AGMO: variants seen among roughly 807,000 people sequenced by gnomAD.
AGMO encodes the protein glyceryl-ether monooxygenase.
In AGMO, 75 loss-of-function variants were observed where a neutral mutation model predicts 60.2. The ratio of observed to expected loss-of-function variants is 1.25; its 90% CI spans 1.03 to 1.51. The LOEUF is 1.51. Among genes scored for constraint, AGMO ranks in the 40% most tolerant of loss-of-function variants. AGMO has a pLI of 0.00. For synonymous variants in AGMO, 261 were observed against 177.1 expected, an observed-to-expected ratio of 1.47 and a Z score of -3.76; for missense variants, 763 against 525.5, an observed-to-expected ratio of 1.45 and a Z score of -4.42.
intron 3 of AGMO, among the ~76,000 whole-genome samples, chr7:15,499,566 AC>A (rs964182348): frequency 5.3e-4 from 80 of 151,398 alleles, no homozygotes; most frequent in African/African-American, 1.9e-3. Context: ...AAATGGATCA[AC>A]CCCACTGTAA....
chr7:15,371,330 C>T (rs1253383953), intron 10 of AGMO, among the ~76,000 whole-genome samples: 5 of 117,330 alleles, frequency 4.3e-5, no homozygotes, highest in Non-Finnish European at 1.8e-5. Context: ...AGCTATTCTC[C>T]TGCCTCAGCC....
the AGMO span, among the ~76,000 whole-genome samples, chr7:15,135,979 C>CTTTTTTTTTTTT: frequency 5.2e-4 from 56 of 106,796 alleles, no homozygotes; most frequent in East Asian, 8.7e-4. Flanking sequence ...TTTTTCTTTT[C>CTTTTTTTTTTTT]TTTTTTTTTT....
chr7:15,343,119 A>C (rs1256203174), intron 12 of AGMO, among the ~76,000 whole-genome samples: 1 of 152,280 alleles, frequency 6.6e-6, no homozygotes, highest in East Asian at 1.9e-4. Context: ...TCTAAAATTT[A>C]TATGATATTC....
intron 12 of AGMO, among the ~76,000 whole-genome samples, chr7:15,207,827 G>A (rs568403023): frequency 1.3e-5 from 2 of 152,276 alleles, no homozygotes; most frequent in African/African-American, 4.8e-5. Flanking sequence ...CCAGCTACTC[G>A]GGAAGCTGAG....
chr7:15,547,383 T>G (rs1784810727), intron 2 of AGMO, among the ~76,000 whole-genome samples: 1 of 152,006 alleles, frequency 6.6e-6, no homozygotes, highest in Non-Finnish European at 1.5e-5. Context: ...GACGGGTGAT[T>G]TCTGCATTTC....
Position 15,560,279 on chromosome 7 carries a change from G to C in AGMO, c.127-8C>G. The C allele has an allele frequency of 6.2e-7, 1 of 1,610,264 alleles. No individual in the cohort carries two copies. The highest frequency in any genetic ancestry group is 8.5e-7 in the Non-Finnish European group (1 of 1,177,562). On this transcript the variant is annotated splice_region_variant and splice_polypyrimidine_tract_variant and intron_variant, in intron 1 of 12. Transcript: ENST00000342526. Reference sequence around the variant, plus strand: ...AATGAAAAATGGAGTTGCCTGGAAAGGAAGTTGCAGAAAAGAGATGCTATT... The same window carrying C: ...AATGAAAAATGGAGTTGCCTGGAAACGAAGTTGCAGAAAAGAGATGCTATT...
intron 3 of AGMO, among the ~76,000 whole-genome samples, chr7:15,495,337 TC>T (rs1412373352): frequency 2.0e-5 from 3 of 152,148 alleles, no homozygotes; most frequent in Admixed American, 6.5e-5. Context: ...AACTACCCTT[TC>T]CTTTTTATGT....
At chr7:15,271,048 C>T (rs1442301218) in intron 12 of AGMO, among the ~76,000 whole-genome samples, 1 of 151,988 alleles carries the variant, frequency 6.6e-6, no homozygotes. Flanking sequence ...CAGTACCATG[C>T]TGTTGATGTT....
At chr7:15,485,553 C>T (rs1342457842) in intron 3 of AGMO, among the ~76,000 whole-genome samples, 1 of 152,068 alleles carries the variant, frequency 6.6e-6, no homozygotes, top group Non-Finnish European at 1.5e-5. Flanking sequence ...TCAGGGAACC[C>T]TGTTCAATGT....
At chr7:15,160,578 T>A in the AGMO span, among the ~76,000 whole-genome samples, 1 of 152,044 alleles carries the variant, frequency 6.6e-6, no homozygotes, top group South Asian at 2.1e-4. Flanking sequence ...GTAACAAAAC[T>A]TAAAAGGATA....
At chr7:15,530,699 T>TATATATTCTATATATACATTTCTATATAG (rs1784288901) in intron 3 of AGMO, among the ~76,000 whole-genome samples, 1 of 115,952 alleles carries the variant, frequency 8.6e-6, no homozygotes, top group Non-Finnish European at 1.9e-5. Context: ...TATTTCTACA[T>TATATATTCTATATATACATTTCTATATAG]ATATTCTATA....
chr7:15,462,887 T>TTTTA (rs1167921249), intron 3 of AGMO, among the ~76,000 whole-genome samples: 6 of 152,220 alleles, frequency 3.9e-5, no homozygotes, highest in African/African-American at 1.4e-4. Flanking sequence ...TAAAACTCAA[T>TTTTA]GAGTCAAATT....
chr7:15,259,045 T>A (rs1216694207), intron 12 of AGMO, among the ~76,000 whole-genome samples: 1 of 151,834 alleles, frequency 6.6e-6, no homozygotes, highest in Non-Finnish European at 1.5e-5. Context: ...CAGAAATGAA[T>A]CCAAATTAAG....
intron 4 of AGMO, among the ~76,000 whole-genome samples, chr7:15,419,527 T>C (rs28666544): frequency 2.3e-3 from 355 of 152,184 alleles, no homozygotes; most frequent in African/African-American, 7.9e-3. Flanking sequence ...AGTATTATAA[T>C]TTTATTTTAA....
At chr7:15,230,768 C>T (rs553751427) in intron 12 of AGMO, among the ~76,000 whole-genome samples, 1 of 152,208 alleles carries the variant, frequency 6.6e-6, no homozygotes, top group South Asian at 2.1e-4. Flanking sequence ...TCGCTCTTCC[C>T]CTTTGCTCTC....
At chr7:15,431,698 C>T (rs1332661667) in intron 3 of AGMO, among the ~76,000 whole-genome samples, 2 of 151,786 alleles carry the variant, frequency 1.3e-5, no homozygotes, top group South Asian at 2.1e-4. Flanking sequence ...TAACAGTTAC[C>T]TATGGTTTTC....
At chr7:15,119,590 A>G in the AGMO span, among the ~76,000 whole-genome samples, 1 of 152,162 alleles carries the variant, frequency 6.6e-6, no homozygotes, top group South Asian at 2.1e-4. Context: ...GGCCAAGTAT[A>G]TCCAATGTAT....
In AGMO at chr7:15,387,457, C is replaced by G. The variant is rs146427149; in HGVS notation, c.906G>C (p.Pro302=). The G allele has an allele frequency of 1.2e-6, 2 of 1,613,880 alleles. No homozygotes were observed. The highest frequency in any genetic ancestry group is 2.7e-5 in the African/African-American group (2 of 75,000). ...GTCTTGGTTTACCTGGACCCCATCC[C>G]GGTCCCTTAAATATGACAGAAAACT... ...FNKFSVIFKG[P]GWGPGKPRLG... Residue 302 remains proline (P), a synonymous_variant, in exon 9 of 13, where the codon CCG becomes CCC. Transcript: ENST00000342526.
chr7:15,474,270 T>C (rs988859656), intron 3 of AGMO, among the ~76,000 whole-genome samples: 1 of 152,104 alleles, frequency 6.6e-6, no homozygotes, highest in Non-Finnish European at 1.5e-5. Flanking sequence ...ACAACAAAGC[T>C]GGAGGAATAA....
Sources: gnomAD v4.1 joint callset for allele counts (sites outside exome capture counted in the v4.1 genomes callset) on GRCh38, gnomAD v4.1.1 for gene constraint, MANE v1.5 for transcripts, NCBI Gene and HGNC (gene_info 2026-07-23, HGNC 2026-07-21) for gene names.